CSMD2: variants seen among roughly 807,000 people sequenced by gnomAD.
CSMD2 encodes the protein CUB and Sushi multiple domains 2.
Under a neutral mutation model 398.5 loss-of-function variants are expected in CSMD2, and 130 were observed. That is an observed-to-expected ratio of 0.33 (90% CI 0.28 to 0.38). The LOEUF (loss-of-function observed/expected upper bound fraction) is 0.38. CSMD2 is among the 10% of genes least tolerant of loss of function. The pLI, the probability that CSMD2 is intolerant of heterozygous loss-of-function variation, is 1.00. For missense variants in CSMD2, 3,829 were observed against 4,764.9 expected (o/e 0.80, Z 5.78); for synonymous variants, 1,828 against 1,908.5 (o/e 0.96, Z 1.10).
Position 33,743,369 on chromosome 1 carries a change from G to C in CSMD2, c.2084C>G (p.Ser695Cys). Residue 695 changes from serine (S) to cysteine (C), a missense_variant, in exon 14 of 71, where the codon TCC (serine) becomes TGC (cysteine). Physicochemically the swap from Ser to Cys is moderately radical, Grantham distance 112 (BLOSUM62 -1). Coordinates refer to ENST00000373381, the MANE Select transcript of CSMD2 (RefSeq NM_001281956.2). ...CACGTGGCCACTGCTTGTGATGGAG[G>C]AGGGAAGCTGGTTTCCTGAGAAGGT... Reference protein sequence around the residue: ...LGTFSGNQLPSSITSSGHVAR... With the variant: ...LGTFSGNQLPCSITSSGHVAR... 1 of 1,614,218 alleles carries C rather than the reference G, an allele frequency of 6.2e-7. No individual in the cohort carries two copies. Among genetic ancestry groups the C allele is most frequent in the Non-Finnish European group, 8.5e-7 (1 of 1,180,038 alleles).
Position 34,164,893 on chromosome 1 carries a change from C to A in CSMD2, c.187+18G>T. Reference sequence around the variant, plus strand: ...GGGCGCGCGGCGGCCGCTGGCTCCTCGGCGCGGCTGGACTCACCCGCGGCG... The same window carrying A: ...GGGCGCGCGGCGGCCGCTGGCTCCTAGGCGCGGCTGGACTCACCCGCGGCG... On this transcript the variant is annotated intron_variant, in intron 1 of 70. Coordinates refer to ENST00000373381, the MANE Select transcript of CSMD2 (RefSeq NM_001281956.2). This position sits in a 1 kb window ranked among gnomAD's most constrained non-coding sequence, Gnocchi z 6.2. 8.2e-7 allele frequency: 1 copy of A among 1,218,486 alleles called. No individual in the cohort carries two copies. The highest frequency in any genetic ancestry group is 1.0e-6 in the Non-Finnish European group (1 of 979,492). 75.5% of individuals were successfully genotyped at this position (1,218,486 alleles called of 1,614,324 possible).
In CSMD2 at chr1:34,147,977, A is replaced by T. The variant is rs529605235; in HGVS notation, c.187+16934T>A. On this transcript the variant is annotated intron_variant, in intron 1 of 70. Transcript: ENST00000373381. ...AGAGCCTGTGGTCCAGAGTGGTCGA[A>T]AGCCAGAGGCAGGACACTCTAGGGA... Among the ~76,000 whole-genome samples, 226 of 152,104 alleles carry T rather than the reference A, an allele frequency of 1.5e-3. 1 individual carries two copies. The highest frequency in any genetic ancestry group is 7.9e-4 in the Non-Finnish European group (54 of 67,978).
intron 2 of CSMD2, among the ~76,000 whole-genome samples, chr1:34,054,332 A>G (rs998495130): frequency 2.6e-5 from 4 of 152,224 alleles, no homozygotes; most frequent in Admixed American, 1.3e-4. Context: ...AATTAAGACC[A>G]GAATCCAAAA....
chr1:33,668,932 A>G (rs536541007), intron 25 of CSMD2, among the ~76,000 whole-genome samples: 8 of 152,230 alleles, frequency 5.3e-5, no homozygotes, highest in Non-Finnish European at 8.8e-5. Flanking sequence ...AATATGTGCA[A>G]TAGGTGCTAA....
chr1:33,716,218 C>T lies in CSMD2; in HGVS notation c.3217+68G>A, dbSNP rs533764414. Reference sequence around the variant, plus strand: ...ATCTATCTGCTAGGAAAACCAGAGACTGGTAGCAGAAGGAGAGAGCAAATA... The same window carrying T: ...ATCTATCTGCTAGGAAAACCAGAGATTGGTAGCAGAAGGAGAGAGCAAATA... On this transcript the variant is annotated intron_variant, in intron 20 of 70. Transcript: ENST00000373381. 8.1e-5 allele frequency: 107 copies of T among 1,313,650 alleles called. No homozygotes were observed. In the South Asian group the frequency reaches 9.4e-4, roughly 11 times the overall value. The allele number at this position is 1,313,650 out of a possible 1,614,324, so 81.4% of individuals were successfully genotyped here.
At chr1:33,865,600 C>T (rs1639973575) in intron 5 of CSMD2, among the ~76,000 whole-genome samples, 1 of 152,050 alleles carries the variant, frequency 6.6e-6, no homozygotes, top group South Asian at 2.1e-4. Context: ...CCAAGTTGGT[C>T]CTATCAGGGT....
chr1:34,129,503 T>G (rs529700864), intron 1 of CSMD2, among the ~76,000 whole-genome samples: 8 of 151,852 alleles, frequency 5.3e-5, no homozygotes, highest in African/African-American at 1.9e-4. Context: ...TAAAAAAAAA[T>G]TAGCCGGGCA....
intron 1 of CSMD2, among the ~76,000 whole-genome samples, chr1:34,145,403 C>A (rs781435976): frequency 1.3e-5 from 2 of 152,182 alleles, no homozygotes; most frequent in Admixed American, 6.5e-5. Context: ...CCTCACTCGG[C>A]CATGGCTTTG....
At chr1:33,586,772 C>T (rs541839393) in intron 45 of CSMD2, among the ~76,000 whole-genome samples, 155 bp from the exon 46 acceptor site, 1 of 152,316 alleles carries the variant, frequency 6.6e-6, no homozygotes, top group South Asian at 2.1e-4. Flanking sequence ...ACGACTGCTC[C>T]CCTCTCACAA....
At chr1:33,757,759 A>T (rs971175313) in intron 13 of CSMD2, among the ~76,000 whole-genome samples, 2 of 152,202 alleles carry the variant, frequency 1.3e-5, no homozygotes, top group African/African-American at 4.8e-5. Context: ...CCAGTTGCCT[A>T]AGCAAAATAT....
intron 25 of CSMD2, among the ~76,000 whole-genome samples, chr1:33,686,065 T>C (rs989318374): frequency 1.3e-5 from 2 of 152,216 alleles, no homozygotes; most frequent in South Asian, 4.1e-4. Context: ...AGGAAGGTCA[T>C]TCATTCTTTC....
chr1:33,918,310 A>C lies in CSMD2; in HGVS notation c.713-9T>G. On this transcript the variant is annotated splice_polypyrimidine_tract_variant and intron_variant, in intron 4 of 70. Transcript: ENST00000373381. ...ACCACAGGCATCATCAGCTGTGGGCACAGAGAGAAGAGGCTTACATGAGTA... is the reference window on the plus strand; with the variant it reads ...ACCACAGGCATCATCAGCTGTGGGCCCAGAGAGAAGAGGCTTACATGAGTA... The C allele has an allele frequency of 6.2e-7, 1 of 1,613,056 alleles. No homozygotes were observed. The highest frequency in any genetic ancestry group is 8.5e-7 in the Non-Finnish European group (1 of 1,179,564).
intron 3 of CSMD2, among the ~76,000 whole-genome samples, chr1:33,990,592 A>G (rs1287851793): frequency 2.0e-5 from 3 of 152,116 alleles, no homozygotes; most frequent in Admixed American, 6.5e-5. Flanking sequence ...GGGAGAGGCT[A>G]TGAAGAGGAG....
At chr1:33,693,233 G>A (rs369881232) in intron 24 of CSMD2, among the ~76,000 whole-genome samples, 177 bp from the exon 25 acceptor site, 1 of 152,128 alleles carries the variant, frequency 6.6e-6, no homozygotes, top group African/African-American at 2.4e-5. Flanking sequence ...AACCTATAAA[G>A]AACCCCTACA....
At chr1:33,577,258 C>A (rs1389559) in intron 49 of CSMD2, 38 bp downstream of exon 49, 1 of 1,548,926 alleles carries the variant, frequency 6.5e-7, no homozygotes, top group Non-Finnish European at 8.8e-7. Context: ...GAGTTGGATC[C>A]GAGCTACCTT....
chr1:33,785,147 C>T (rs959534332), intron 12 of CSMD2, among the ~76,000 whole-genome samples: 3 of 152,144 alleles, frequency 2.0e-5, no homozygotes, highest in Non-Finnish European at 4.4e-5. Context: ...TGCTTTATAC[C>T]ACATCCAAGC....
At chr1:33,642,627 G>A (rs1222620383) in intron 29 of CSMD2, among the ~76,000 whole-genome samples, 1 of 152,134 alleles carries the variant, frequency 6.6e-6, no homozygotes, top group Non-Finnish European at 1.5e-5. Flanking sequence ...TATTCTAAAA[G>A]TATTTTGCTT....
intron 15 of CSMD2, among the ~76,000 whole-genome samples, chr1:33,727,032 G>C (rs1472643362): frequency 1.3e-5 from 2 of 152,154 alleles, no homozygotes; most frequent in Non-Finnish European, 2.9e-5. Flanking sequence ...CATAGACCCA[G>C]CCAACCTCCT....
chr1:33,760,200 C>T (rs115689562), intron 13 of CSMD2, among the ~76,000 whole-genome samples: 1,924 of 152,320 alleles, frequency 0.013, 17 homozygotes, highest in Non-Finnish European at 0.017. Context: ...AATGCATTGT[C>T]CCCACCAAAC....
Sources: allele counts gnomAD v4.1 joint callset (sites outside exome capture counted in the v4.1 genomes callset), GRCh38; gene constraint gnomAD v4.1.1; non-coding constraint Gnocchi (gnomAD v3.1); transcripts MANE v1.5; gene names NCBI Gene and HGNC (gene_info 2026-07-23, HGNC 2026-07-21).